PPTC7: variants seen among roughly 807,000 people sequenced by gnomAD.
The protein encoded by PPTC7 is protein phosphatase targeting COQ7, also known as protein phosphatase PTC7 homolog.
Under a neutral mutation model 30.8 loss-of-function variants are expected in PPTC7, and 6 were observed. That is an observed-to-expected ratio of 0.19 (90% CI 0.11 to 0.38). The LOEUF (loss-of-function observed/expected upper bound fraction) is 0.38. PPTC7 is among the 10% of genes least tolerant of loss of function. The pLI is 1.00. For missense variants in PPTC7, 218 were observed against 404.8 expected (o/e 0.54, Z 3.96); for synonymous variants, 163 against 168.1 (o/e 0.97, Z 0.23).
Position 110,536,991 on chromosome 12 carries a change from G to C in PPTC7, c.*46C>G. The C allele has an allele frequency of 6.8e-7, 1 of 1,463,426 alleles. No individual in the cohort carries two copies. Among genetic ancestry groups the C allele is most frequent in the Non-Finnish European group, 9.6e-7 (1 of 1,043,476 alleles). 90.7% of individuals were successfully genotyped at this position (1,463,426 alleles called of 1,614,324 possible). A position where few individuals can be genotyped will look rare whatever the true frequency, so the allele number is the denominator to read the frequency against. ...CCAGCAGGATCAGCACACATGGCAGGGGAAATTTGGGATGATGAAAGGAAA... is the reference window on the plus strand; with the variant it reads ...CCAGCAGGATCAGCACACATGGCAGCGGAAATTTGGGATGATGAAAGGAAA... On this transcript the variant is annotated 3_prime_UTR_variant, in exon 6 of 6. Transcript: ENST00000354300.
At chr12:110,539,536 G>T (rs1168807749) in intron 4 of PPTC7, among the ~76,000 whole-genome samples, 1 of 152,158 alleles carries the variant, frequency 6.6e-6, no homozygotes, top group Non-Finnish European at 1.5e-5. Flanking sequence ...AGAATAAAAG[G>T]AGAAACAACC....
At chr12:110,571,933 A>G (rs1180592013) in intron 1 of PPTC7, among the ~76,000 whole-genome samples, 2 of 152,246 alleles carry the variant, frequency 1.3e-5, no homozygotes, top group Non-Finnish European at 2.9e-5. Flanking sequence ...TTAGTGGTCA[A>G]CCTAGAGGCC....
At chr12:110,569,034 C>A (rs1006126315) in intron 1 of PPTC7, among the ~76,000 whole-genome samples, 1 of 28,522 alleles carries the variant, frequency 3.5e-5, no homozygotes. Context: ...CTGTCCCCGC[C>A]CCCCCCCCTC....
intron 1 of PPTC7, among the ~76,000 whole-genome samples, chr12:110,565,124 C>A (rs1266808265): frequency 6.6e-6 from 1 of 151,916 alleles, no homozygotes; most frequent in African/African-American, 2.4e-5. Context: ...GATCCACCCG[C>A]CTCAGCCTCC....
intron 3 of PPTC7, among the ~76,000 whole-genome samples, chr12:110,541,315 G>C (rs1205679522): frequency 6.6e-6 from 1 of 151,658 alleles, no homozygotes; most frequent in Non-Finnish European, 1.5e-5. Flanking sequence ...CCGGGAGATG[G>C]AGGTTGCAGT....
At position 110,582,945 on chromosome 12, in the gene PPTC7, G is replaced by A. The variant is rs1166742459; in HGVS notation, c.87C>T (p.Gly29=). The stretch of plus-strand genomic sequence containing the variant: ...TCACCAGTCCGTAGTCGCCGCCGCC[G>A]CCGCCGCCGGCCCTGGGGTCGGTCT... ...LSQTDPRAGG[G]GGGDYGLVTA... The change falls in exon 1 of 6, where the codon GGC becomes GGT. Residue 29 remains glycine, a synonymous_variant. Transcript: ENST00000354300. 2 of 1,542,122 alleles carry A rather than the reference G, an allele frequency of 1.3e-6. No homozygotes were observed. The highest frequency in any genetic ancestry group is 2.0e-4 in the Middle Eastern group (1 of 5,104).
At chr12:110,562,569 G>C (rs993184237) in intron 1 of PPTC7, among the ~76,000 whole-genome samples, 20 of 152,074 alleles carry the variant, frequency 1.3e-4, no homozygotes, top group Non-Finnish European at 4.4e-5. Flanking sequence ...GAGGTAAACA[G>C]ATCACTTGAG....
chr12:110,542,112 T>C (rs2064265708), intron 3 of PPTC7, among the ~76,000 whole-genome samples: 1 of 151,288 alleles, frequency 6.6e-6, no homozygotes, highest in Non-Finnish European at 1.5e-5. Context: ...ATGGCGCCAC[T>C]GCACTCTAGC....
intron 1 of PPTC7, among the ~76,000 whole-genome samples, chr12:110,572,464 A>G (rs960606659): frequency 1.3e-5 from 2 of 152,144 alleles, no homozygotes; most frequent in African/African-American, 4.8e-5. Flanking sequence ...AAAAAACAAA[A>G]AAGATAACAA....
At chr12:110,571,668 T>C (rs1361686570) in intron 1 of PPTC7, among the ~76,000 whole-genome samples, 1 of 152,224 alleles carries the variant, frequency 6.6e-6, no homozygotes, top group African/African-American at 2.4e-5. Context: ...CAGGTGTGTA[T>C]GAATGTACAG....
Position 110,539,806 on chromosome 12 carries a change from C to G in PPTC7, c.726+16G>C, listed in dbSNP as rs746768223. 1 of 1,613,004 alleles carries G rather than the reference C, an allele frequency of 6.2e-7. No homozygotes were observed. Among genetic ancestry groups the G allele is most frequent in the Admixed American group, 1.7e-5 (1 of 59,918 alleles). On this transcript the variant is annotated intron_variant, in intron 4 of 5. Coordinates refer to ENST00000354300, the MANE Select transcript of PPTC7 (RefSeq NM_139283.2). ...GAGGGCCACTTTTCCCAAGAGCTAA[C>G]CTTTGAGTTAATTACCTTTAACTTT...
At chr12:110,553,812 T>C (rs1037915089) in intron 1 of PPTC7, among the ~76,000 whole-genome samples, 57 of 152,292 alleles carry the variant, frequency 3.7e-4, no homozygotes, top group African/African-American at 1.3e-3. Context: ...ATTTTAGATA[T>C]AATGCACCAA....
At chr12:110,548,982 GA>G (rs2064332124) in intron 2 of PPTC7, among the ~76,000 whole-genome samples, 1 of 152,160 alleles carries the variant, frequency 6.6e-6, no homozygotes, top group Admixed American at 6.5e-5. Context: ...AGCAGGCAAA[GA>G]TGAGTAAGAA....
chr12:110,581,282 T>A (rs1294649668), intron 1 of PPTC7, among the ~76,000 whole-genome samples: 1 of 151,932 alleles, frequency 6.6e-6, no homozygotes, highest in African/African-American at 2.4e-5. Context: ...GACATGGTGA[T>A]GGGCGCCTAT....
At chr12:110,565,662 A>G (rs2064477759) in intron 1 of PPTC7, among the ~76,000 whole-genome samples, 1 of 152,234 alleles carries the variant, frequency 6.6e-6, no homozygotes, top group South Asian at 2.1e-4. Context: ...CACATTTAAT[A>G]TTAAAACTAT....
At chr12:110,541,887 T>C (rs1411000835) in intron 3 of PPTC7, among the ~76,000 whole-genome samples, 1 of 152,084 alleles carries the variant, frequency 6.6e-6, no homozygotes, top group Non-Finnish European at 1.5e-5. Flanking sequence ...GGCTCACCCC[T>C]GTAATCCCAG....
chr12:110,571,920 C>T (rs1014109876), intron 1 of PPTC7, among the ~76,000 whole-genome samples: 7 of 152,146 alleles, frequency 4.6e-5, no homozygotes, highest in Non-Finnish European at 8.8e-5. Context: ...GTTCCATCAC[C>T]AATTAGTGGT....
At chr12:110,562,219 A>T (rs1248425536) in intron 1 of PPTC7, among the ~76,000 whole-genome samples, 1 of 125,376 alleles carries the variant, frequency 8.0e-6, no homozygotes, top group East Asian at 2.8e-4. Context: ...CAGGAGGCGG[A>T]GGTTGCACAG....
intron 3 of PPTC7, among the ~76,000 whole-genome samples, chr12:110,540,310 T>TCCCC (rs1235977655): frequency 2.3e-4 from 24 of 104,400 alleles, no homozygotes; most frequent in African/African-American, 7.2e-4. Context: ...CCGAATTCCA[T>TCCCC]CCCCCCCCGC....
Sources: gnomAD v4.1 joint callset for allele counts (sites outside exome capture counted in the v4.1 genomes callset) on GRCh38, gnomAD v4.1.1 for gene constraint, MANE v1.5 for transcripts, NCBI Gene and HGNC (gene_info 2026-07-23, HGNC 2026-07-21) for gene names.